The following SLCO4A1 variants were observed in gnomAD, a reference collection of about 807,000 sequenced individuals.
SLCO4A1 encodes solute carrier organic anion transporter family member 4A1.
SLCO4A1 carries 51 observed loss-of-function variants against 64.6 expected under a neutral mutation model. That is an observed-to-expected ratio of 0.79 (90% CI 0.63 to 1.00). The LOEUF (loss-of-function observed/expected upper bound fraction) is 1.00. SLCO4A1 is among the 50% of genes least tolerant of loss of function. The pLI, the probability that SLCO4A1 is intolerant of heterozygous loss-of-function variation, is 0.00. For synonymous variants in SLCO4A1, 471 were observed against 444.9 expected (o/e 1.06, Z -0.74); for missense variants, 919 against 980.5 (o/e 0.94, Z 0.84).
Position 62,644,403 on chromosome 20 carries a change from C to T in SLCO4A1, c.-97+1850C>T, listed in dbSNP as rs990965553. ...TAATCTGTAGCTCACTGGGTGTGGC[C>T]CCTAAAGCAGGTGCTGGGCAAGTCC... is the stretch of plus-strand genomic sequence containing the variant. On this transcript the variant is annotated intron_variant, in intron 1 of 11. Transcript: ENST00000217159. The surrounding 1 kb of genome is among the most constrained non-coding windows in gnomAD (Gnocchi z 5.4). 6.6e-6 allele frequency among the ~76,000 whole-genome samples: 1 copy of T among 152,232 alleles called. No homozygotes were observed. Among genetic ancestry groups the T allele is most frequent in the African/African-American group, 2.4e-5 (1 of 41,454 alleles).
intron 2 of SLCO4A1, among the ~76,000 whole-genome samples, chr20:62,679,316 G>A (rs1168099433): frequency 6.6e-6 from 1 of 152,138 alleles, no homozygotes; most frequent in Non-Finnish European, 1.5e-5. Flanking sequence ...TGTCCTGACG[G>A]TGGACGTGGT....
chr20:62,646,594 C>T (rs912198168), intron 1 of SLCO4A1, among the ~76,000 whole-genome samples: 3 of 152,262 alleles, frequency 2.0e-5, no homozygotes, highest in Admixed American at 1.3e-4. Context: ...TGGGGACCTG[C>T]GGCAGGCAGG....
At chr20:62,659,370 A>G (rs567435558) in intron 3 of SLCO4A1, among the ~76,000 whole-genome samples, 24 of 152,204 alleles carry the variant, frequency 1.6e-4, no homozygotes, top group Middle Eastern at 6.8e-3. Flanking sequence ...GCACTTGTGA[A>G]GTTTCCAAGG....
chr20:62,650,300 C>T (rs1231563637), intron 1 of SLCO4A1: 1 of 152,448 alleles, frequency 6.6e-6, no homozygotes, highest in Non-Finnish European at 1.5e-5. Context: ...GGACAGGCCT[C>T]CCTTCTTCCC....
chr20:62,679,189 G>A (rs983389752), intron 2 of SLCO4A1, among the ~76,000 whole-genome samples: 2 of 152,190 alleles, frequency 1.3e-5, no homozygotes, highest in African/African-American at 4.8e-5. Context: ...GGGCGACAGA[G>A]CAAGACTCTG....
rs1403184962 is a variant in SLCO4A1 at position 62,685,270 on chromosome 20, G to T, written n.212-171G>T. ...GGAGGAGGGGGGTGGTGGGGAGTGG[G>T]GGCTGGGTCGGGGCTGGGCCCTGGC... On this transcript the variant is annotated intron_variant and non_coding_transcript_variant, in intron 2 of 2. Coordinates refer to the SLCO4A1 transcript ENST00000466818. This position sits in a 1 kb window ranked among gnomAD's most constrained non-coding sequence, Gnocchi z 4.6. Among the ~76,000 whole-genome samples the T allele has an allele frequency of 1.3e-5, 2 of 149,888 alleles. No individual in the cohort carries two copies. The highest frequency in any genetic ancestry group is 4.9e-5 in the African/African-American group (2 of 40,654).
chr20:62,668,943 GC>G lies in SLCO4A1; in HGVS notation c.1893del (p.Ile632SerfsTer6). The G allele has an allele frequency of 6.2e-7, 1 of 1,605,180 alleles. No homozygotes were observed. The highest frequency in any genetic ancestry group is 1.1e-5 in the South Asian group (1 of 91,046). On this transcript the variant is annotated frameshift_variant, in exon 11 of 12. Transcript: ENST00000217159. LOFTEE classifies it high-confidence loss of function. Reference sequence around the variant, plus strand: ...TTCTCTCCGCAGGGGGCATCCCGGGGCCCATCGCCTTCGGCTGGGTGATCGA... The same window carrying G: ...TTCTCTCCGCAGGGGGCATCCCGGGGCCATCGCCTTCGGCTGGGTGATCGA... ...VVRILGGIPG[P>X]IAFGWVIDKA...
In SLCO4A1 at chr20:62,684,832, T is replaced by A. The variant is rs937448487; in HGVS notation, n.212-609T>A. 7.2e-5 allele frequency among the ~76,000 whole-genome samples: 11 copies of A among 152,276 alleles called. No homozygotes were observed. In the South Asian group the frequency reaches 2.1e-3, roughly 29 times the overall value. On this transcript the variant is annotated intron_variant and non_coding_transcript_variant, in intron 2 of 2. Transcript: ENST00000466818. ...CTGGAAGTCGCTCATTAAGACCTCA[T>A]TAGCCCGTGCTCCACCTCCCACCCC...
rs987867224 is a variant in SLCO4A1, at chr20:62,667,551, G to A, written c.1473-194G>A. On this transcript the variant is annotated intron_variant, in intron 7 of 11. Transcript: ENST00000217159. ...GGGTGTGCCTTCCTTGCGTGAGGAG[G>A]AAAAACCATTCTATCACCAGAAGGC... The A allele has an allele frequency of 7.7e-5, 49 of 637,866 alleles. No individual in the cohort carries two copies. The African/African-American group carries it at 8.4e-4, about 11-fold the overall frequency. 39.5% of individuals were successfully genotyped at this position (637,866 alleles called of 1,614,324 possible).
chr20:62,652,377 T>C (rs1410933447), intron 1 of SLCO4A1, among the ~76,000 whole-genome samples: 1 of 151,904 alleles, frequency 6.6e-6, no homozygotes, highest in East Asian at 1.9e-4. Context: ...GCCTGGCCTG[T>C]CCTCCTCCGG....
chr20:62,652,127 T>C (rs1982653812), intron 1 of SLCO4A1: 1 of 149,216 alleles, frequency 6.7e-6, no homozygotes, highest in Non-Finnish European at 1.5e-5. Flanking sequence ...CTCTCCCGCC[T>C]GCGTCAGGCT....
Position 62,666,403 on chromosome 20 carries a change from G to A in SLCO4A1, c.1300G>A (p.Gly434Ser). ...AGGGTACCTGGTGGTGCCAGCGGGTGGTGGCGGCACCTTCCTGGGCGGCTT... is the reference window on the plus strand; with the variant it reads ...AGGGTACCTGGTGGTGCCAGCGGGTAGTGGCGGCACCTTCCTGGGCGGCTT... ...LFGYLVVPAG[G>S]GGTFLGGFFV... The change falls in exon 7 of 12, where the codon GGT (glycine) becomes AGT (serine). Residue 434 changes from glycine to serine, a missense_variant. Coordinates refer to ENST00000217159, the MANE Select transcript of SLCO4A1 (RefSeq NM_016354.4). 1 of 1,612,996 alleles carries A rather than the reference G, an allele frequency of 6.2e-7. No homozygotes were observed. Among genetic ancestry groups the A allele is most frequent in the South Asian group, 1.1e-5 (1 of 91,074 alleles).
At position 62,659,605 on chromosome 20, in the gene SLCO4A1, G is replaced by A. The variant is rs576209420; in HGVS notation, c.888-807G>A. Among the ~76,000 whole-genome samples the A allele has an allele frequency of 1.1e-4, 16 of 152,214 alleles. 1 individual carries two copies. Among genetic ancestry groups the A allele is most frequent in the Admixed American group, 2.0e-4 (3 of 15,308 alleles). ...CAGTCTCTGTGCCCCTTCTGGCTCC[G>A]GGATCTGGGCCCACTTTGCACAAAG... is the stretch of plus-strand genomic sequence containing the variant. On this transcript the variant is annotated intron_variant, in intron 3 of 11. Coordinates refer to ENST00000217159, the MANE Select transcript of SLCO4A1 (RefSeq NM_016354.4).
At chr20:62,667,542 C>A (rs1261962023) in intron 7 of SLCO4A1, 1 of 606,242 alleles carries the variant, frequency 1.6e-6, no homozygotes, top group Non-Finnish European at 2.9e-6. Flanking sequence ...GCCTTCCTTG[C>A]GTGAGGAGGA....
intron 1 of SLCO4A1, among the ~76,000 whole-genome samples, chr20:62,655,552 C>T (rs375940712): frequency 1.3e-5 from 2 of 152,244 alleles, no homozygotes; most frequent in South Asian, 2.1e-4. Context: ...TGTGGAGCCT[C>T]GGGATGGTGG....
downstream of SLCO4A1, among the ~76,000 whole-genome samples, chr20:62,675,042 C>G (rs74312468): frequency 6.6e-6 from 1 of 152,260 alleles, no homozygotes; most frequent in East Asian, 1.9e-4. Context: ...CTGTCCCGCT[C>G]CATGCCCTGC....
Position 62,667,752 on chromosome 20 carries a change from C to A in SLCO4A1, c.1480C>A (p.Pro494Thr). ...VTASYGGSLL[P>T]EGHLNLTAPC... is the part of the protein sequence containing the mutation. Reference sequence around the variant, plus strand: ...CTTGTCCCCCCTCTGCAGCCTCCTGCCCGAAGGCCACCTGAACCTAACGGC... The same window carrying A: ...CTTGTCCCCCCTCTGCAGCCTCCTGACCGAAGGCCACCTGAACCTAACGGC... The change falls in exon 8 of 12, where the codon CCC becomes ACC. Residue 494 changes from proline (P) to threonine (T), a missense_variant. Physicochemically the swap from Pro to Thr is conservative, Grantham distance 38. Coordinates refer to ENST00000217159, the MANE Select transcript of SLCO4A1 (RefSeq NM_016354.4). 3 of 1,607,884 alleles carry A rather than the reference C, an allele frequency of 1.9e-6. No individual in the cohort carries two copies. The highest frequency in any genetic ancestry group is 2.2e-5 in the South Asian group (2 of 90,842).
At chr20:62,683,645 C>A (rs888351597) in intron 2 of SLCO4A1, among the ~76,000 whole-genome samples, 2 of 152,162 alleles carry the variant, frequency 1.3e-5, no homozygotes, top group African/African-American at 4.8e-5. Flanking sequence ...GTTACAGTTG[C>A]CTCTTGTATT....
In SLCO4A1 at chr20:62,661,829, G is replaced by A. The variant is rs1485117474; in HGVS notation, c.1121+654G>A. Among the ~76,000 whole-genome samples the A allele has an allele frequency of 6.9e-6, 1 of 144,232 alleles. No individual in the cohort carries two copies. Among genetic ancestry groups the A allele is most frequent in the Non-Finnish European group, 1.5e-5 (1 of 65,116 alleles). 94.6% of individuals were successfully genotyped at this position (144,232 alleles called of 152,430 possible). On this transcript the variant is annotated intron_variant, in intron 5 of 11. Transcript: ENST00000217159. The surrounding 1 kb of genome is among the most constrained non-coding windows in gnomAD (Gnocchi z 5.2). The stretch of plus-strand genomic sequence containing the variant: ...TGCTGTCTTGCTGCACTGCTAGGGT[G>A]AACCCGGGGCCCTGAGCCGGTGGGG...
Sources: allele counts gnomAD v4.1 joint callset (sites outside exome capture counted in the v4.1 genomes callset), GRCh38; gene constraint gnomAD v4.1.1; non-coding constraint Gnocchi (gnomAD v3.1); transcripts MANE v1.5; gene names NCBI Gene and HGNC (gene_info 2026-07-23, HGNC 2026-07-21).